Variants in PCSK5 observed in about 807,000 individuals in gnomAD.
The protein encoded by PCSK5 is proprotein convertase subtilisin/kexin type 5, also known as prohormone convertase 5.
A neutral mutation model predicts 233.2 loss-of-function variants in PCSK5; 129 were observed. The observed-to-expected ratio is 0.55, with a 90% CI of 0.48 to 0.64. The LOEUF (loss-of-function observed/expected upper bound fraction) is 0.64, where lower values mean the gene tolerates loss of function less well. Ranked by LOEUF, PCSK5 falls within the 30% of genes least tolerant of loss-of-function variation. The pLI, the probability that PCSK5 is intolerant of heterozygous loss-of-function variation, is 0.00. For missense variants in PCSK5, 2,076 were observed against 2,430.1 expected, an observed-to-expected ratio of 0.85 and a Z score of 3.06; for synonymous variants, 825 against 879.2, an observed-to-expected ratio of 0.94 and a Z score of 1.09.
At chr9:75,908,932 T>C (rs1822566035) in intron 1 of PCSK5, among the ~76,000 whole-genome samples, 1 of 116,860 alleles carries the variant, frequency 8.6e-6, no homozygotes, top group Non-Finnish European at 2.0e-5. Context: ...TCTCTCTATC[T>C]CTCTCTCTGT....
At chr9:76,190,594 C>CTATAGTTTT (rs3077113) in intron 20 of PCSK5, among the ~76,000 whole-genome samples, 108,280 of 151,238 alleles carry the variant, frequency 0.72, 39,237 homozygotes, top group East Asian at 0.85. Context: ...TGTGAAGATT[C>CTATAGTTTT]TATAGTTTTT....
chr9:76,128,032 G>C (rs148357911), intron 9 of PCSK5, among the ~76,000 whole-genome samples: 4 of 152,222 alleles, frequency 2.6e-5, no homozygotes, highest in Admixed American at 2.6e-4. Context: ...TTATTATTTT[G>C]AATGAGAAAT....
intron 2 of PCSK5, among the ~76,000 whole-genome samples, chr9:75,948,570 T>C (rs1206278966): frequency 6.6e-6 from 1 of 152,078 alleles, no homozygotes; most frequent in Non-Finnish European, 1.5e-5. Context: ...TCGATGGACA[T>C]TTGGGTTGGT....
At chr9:76,285,208 G>T (rs1828025758) in intron 24 of PCSK5, among the ~76,000 whole-genome samples, 3 of 151,924 alleles carry the variant, frequency 2.0e-5, no homozygotes, top group African/African-American at 7.3e-5. Context: ...GGAAGTGAAT[G>T]GAGCCCCTAG....
At chr9:76,326,101 A>G (rs1829352130) in intron 32 of PCSK5, among the ~76,000 whole-genome samples, 2 of 152,030 alleles carry the variant, frequency 1.3e-5, no homozygotes, top group African/African-American at 4.8e-5. Context: ...TCAGCCGGAC[A>G]CGGTGGCTCA....
intron 30 of PCSK5, among the ~76,000 whole-genome samples, chr9:76,311,996 T>C (rs1038496175): frequency 7.9e-5 from 12 of 152,178 alleles, no homozygotes; most frequent in African/African-American, 2.9e-4. Flanking sequence ...GCATCACTGA[T>C]ACCTCCCTAA....
At chr9:76,126,181 A>ATGTG (rs71499131) in intron 9 of PCSK5, among the ~76,000 whole-genome samples, 3,803 of 150,534 alleles carry the variant, frequency 0.025, 143 homozygotes, top group African/African-American at 0.086. Flanking sequence ...GTGTGTGTGT[A>ATGTG]TGTGTGTGTG....
chr9:76,356,669 A>T (rs1358190492), intron 37 of PCSK5, among the ~76,000 whole-genome samples: 1 of 152,200 alleles, frequency 6.6e-6, no homozygotes, highest in East Asian at 1.9e-4. Context: ...TTGATAGGTA[A>T]AATCCCATGA....
chr9:76,276,869 A>T (rs903875990), intron 24 of PCSK5, among the ~76,000 whole-genome samples: 19 of 152,204 alleles, frequency 1.2e-4, no homozygotes, highest in African/African-American at 4.6e-4. Context: ...GTCTTCATGA[A>T]GCTTGCGTTT....
At position 76,160,162 on chromosome 9, in the gene PCSK5, C is replaced by T. The variant is rs140753356; in HGVS notation, c.1619+991C>T. Among the ~76,000 whole-genome samples the T allele has an allele frequency of 8.9e-3, 1,354 of 152,220 alleles. 15 individuals are homozygous for T. The highest frequency in any genetic ancestry group is 0.03 in the African/African-American group (1,252 of 41,534). ...TTGCCCTAGAGGGTATTCAGTTTCGCTTGTTAGCCTCTCCTCCCTGCTTCC... is the reference window on the plus strand; with the variant it reads ...TTGCCCTAGAGGGTATTCAGTTTCGTTTGTTAGCCTCTCCTCCCTGCTTCC... On this transcript the variant is annotated intron_variant, in intron 12 of 37. Transcript: ENST00000674117.
chr9:75,898,021 A>T (rs529640146), intron 1 of PCSK5, among the ~76,000 whole-genome samples: 12 of 152,356 alleles, frequency 7.9e-5, no homozygotes, highest in Admixed American at 6.5e-4. Context: ...ATGCCTTTAT[A>T]TGCCTTTCTG....
At chr9:76,164,256 C>A (rs1053111155) in intron 12 of PCSK5, among the ~76,000 whole-genome samples, 1 of 152,196 alleles carries the variant, frequency 6.6e-6, no homozygotes, top group Admixed American at 6.5e-5. Context: ...CACCCAACCA[C>A]GTGAACCTTC....
intron 24 of PCSK5, among the ~76,000 whole-genome samples, chr9:76,248,758 G>A (rs1049228182): frequency 1.3e-5 from 2 of 152,148 alleles, no homozygotes; most frequent in African/African-American, 2.4e-5. Context: ...TGGTACTCAA[G>A]TAGATAATAT....
At chr9:76,101,122 T>C (rs1044497319) in intron 8 of PCSK5, among the ~76,000 whole-genome samples, 30 of 152,192 alleles carry the variant, frequency 2.0e-4, no homozygotes, top group African/African-American at 5.5e-4. Flanking sequence ...TATTTTCTTA[T>C]TTACTGTCTG....
rs543033520 is a variant in PCSK5 at position 76,027,901 on chromosome 9, A to G, written c.632+864A>G. On this transcript the variant is annotated intron_variant, in intron 5 of 37. Transcript: ENST00000674117. ...AACATGCACTGAAGTTGCAAAGAGA[A>G]CTGTTTAACCCATTTATTTTGTTAT... Among the ~76,000 whole-genome samples the G allele has an allele frequency of 6.8e-4, 104 of 152,326 alleles. 1 individual carries two copies. The highest frequency in any genetic ancestry group is 2.5e-3 in the African/African-American group (102 of 41,582).
chr9:76,135,449 T>G (rs1211936421), intron 10 of PCSK5, among the ~76,000 whole-genome samples: 7 of 152,122 alleles, frequency 4.6e-5, no homozygotes, highest in African/African-American at 1.7e-4. Context: ...CTTTGAAGTA[T>G]TATCAAACAC....
intron 3 of PCSK5, among the ~76,000 whole-genome samples, chr9:76,017,752 G>A (rs983727469): frequency 4.0e-5 from 6 of 151,632 alleles, no homozygotes; most frequent in African/African-American, 1.5e-4. Flanking sequence ...GTGTGTGTAT[G>A]TGTGTGTGTG....
intron 9 of PCSK5, among the ~76,000 whole-genome samples, chr9:76,125,119 A>AT (rs199686891): frequency 2.0e-5 from 3 of 151,516 alleles, no homozygotes; most frequent in African/African-American, 7.3e-5. Context: ...TTCATTCTCA[A>AT]TTTAAAAAAA....
rs563643139 is a variant in PCSK5, at chr9:75,951,756, TAAC to T, written c.297+19276_297+19278del. ...TACAATAAAATAATAATAAAATAAA[TAAC>T]AATAAAATTAAAAACAAAAATACAG... is the stretch of plus-strand genomic sequence containing the variant. On this transcript the variant is annotated intron_variant, in intron 2 of 37. Coordinates refer to ENST00000674117, the MANE Select transcript of PCSK5 (RefSeq NM_001372043.1). Among the ~76,000 whole-genome samples the T allele has an allele frequency of 1.3e-4, 19 of 151,804 alleles. No homozygotes were observed. In the South Asian group the frequency reaches 3.1e-3, roughly 25 times the overall value.
Sources: gnomAD v4.1 joint callset for allele counts (sites outside exome capture counted in the v4.1 genomes callset) on GRCh38, gnomAD v4.1.1 for gene constraint, MANE v1.5 for transcripts, NCBI Gene and HGNC (gene_info 2026-07-23, HGNC 2026-07-21) for gene names.